The following CDH4 variants were observed in gnomAD, a reference collection of about 807,000 sequenced individuals.
CDH4 encodes the protein cadherin 4, also known as cadherin-4.
Under a neutral mutation model 86.0 loss-of-function variants are expected in CDH4, and 33 were observed. That is an observed-to-expected ratio of 0.38 (90% confidence interval 0.29 to 0.51). The LOEUF is 0.51. Ranked by LOEUF, CDH4 falls within the 20% of genes least tolerant of loss-of-function variation. The pLI is 0.86. For synonymous variants in CDH4, 555 were observed against 549.4 expected (o/e 1.01, Z -0.14); for missense variants, 1,114 against 1,307.4 (o/e 0.85, Z 2.28).
chr20:61,910,422 T>C lies in CDH4; in HGVS notation c.1189T>C (p.Phe397Leu). Residue 397 changes from phenylalanine to leucine, a missense_variant and splice_region_variant, in exon 9 of 16, where the codon TTT becomes CTT. Coordinates refer to ENST00000614565, the MANE Select transcript of CDH4 (RefSeq NM_001794.5). ...GACATTCTTTCCTTCCATTTTGCAG[T>C]TTGCAGGGGAGGTCCCCGAAAACCG... is the stretch of plus-strand genomic sequence containing the variant. ...DNPPEFTASTFAGEVPENRVE... is the reference protein window; with the variant it reads ...DNPPEFTASTLAGEVPENRVE... 1.9e-6 allele frequency: 3 copies of C among 1,611,260 alleles called. No homozygotes were observed. The highest frequency in any genetic ancestry group is 2.5e-6 in the Non-Finnish European group (3 of 1,177,780).
At chr20:61,272,546 C>A (rs2084188752) in intron 2 of CDH4, among the ~76,000 whole-genome samples, 1 of 152,164 alleles carries the variant, frequency 6.6e-6, no homozygotes, top group Non-Finnish European at 1.5e-5. Context: ...TGGGTCAAAA[C>A]TTTTGTTGCT....
chr20:61,580,970 G>A (rs916827581), intron 2 of CDH4, among the ~76,000 whole-genome samples: 1 of 152,222 alleles, frequency 6.6e-6, no homozygotes, highest in South Asian at 2.1e-4. Context: ...AGTCCGTCCT[G>A]AAGCATGGAT....
At chr20:61,421,504 G>T (rs1246940505) in intron 2 of CDH4, among the ~76,000 whole-genome samples, 1 of 152,234 alleles carries the variant, frequency 6.6e-6, no homozygotes, top group East Asian at 1.9e-4. Flanking sequence ...CCAGGGTGGA[G>T]GTTGCGTTTC....
intron 3 of CDH4, among the ~76,000 whole-genome samples, chr20:61,765,233 C>T (rs2088684499): frequency 6.6e-6 from 1 of 151,784 alleles, no homozygotes; most frequent in Admixed American, 6.6e-5. Flanking sequence ...GGAGGGGTCC[C>T]GAGGATGGAC....
At chr20:61,415,640 C>G (rs1253954642) in intron 2 of CDH4, among the ~76,000 whole-genome samples, 1 of 152,140 alleles carries the variant, frequency 6.6e-6, no homozygotes, top group Non-Finnish European at 1.5e-5. Context: ...TGTCCTTTTG[C>G]ATCTAGCTGT....
intron 2 of CDH4, among the ~76,000 whole-genome samples, chr20:61,706,771 C>A (rs1245083702): frequency 6.6e-6 from 1 of 152,226 alleles, no homozygotes; most frequent in African/African-American, 2.4e-5. Flanking sequence ...CTCACCGGAA[C>A]TGGCTCGGGC....
At chr20:61,481,782 G>A (rs190628475) in intron 2 of CDH4, among the ~76,000 whole-genome samples, 13 of 152,090 alleles carry the variant, frequency 8.5e-5, no homozygotes, top group African/African-American at 2.2e-4. Context: ...TGTTTGTGCC[G>A]TTATGTATAT....
chr20:61,400,578 A>G (rs1463547153), intron 2 of CDH4, among the ~76,000 whole-genome samples: 1 of 152,194 alleles, frequency 6.6e-6, no homozygotes, highest in Non-Finnish European at 1.5e-5. Context: ...ACTCTGCTCC[A>G]TATGGTCACG....
At chr20:61,558,536 G>C (rs1301897277) in intron 2 of CDH4, among the ~76,000 whole-genome samples, 6 of 152,218 alleles carry the variant, frequency 3.9e-5, no homozygotes, top group African/African-American at 1.4e-4. Flanking sequence ...TGCGGCCTCT[G>C]GACCTGCCCC....
At chr20:61,894,011 G>A (rs1053650428) in intron 7 of CDH4, among the ~76,000 whole-genome samples, 5 of 152,150 alleles carry the variant, frequency 3.3e-5, no homozygotes, top group South Asian at 2.1e-4. Flanking sequence ...AGAGAAGCAC[G>A]ACTCAGGATT....
At chr20:61,296,092 C>G (rs116551885) in intron 2 of CDH4, among the ~76,000 whole-genome samples, 4 of 152,106 alleles carry the variant, frequency 2.6e-5, no homozygotes, top group African/African-American at 9.7e-5. Flanking sequence ...AGAAGGAGAG[C>G]GGCTTCTAGG....
intron 2 of CDH4, among the ~76,000 whole-genome samples, chr20:61,537,664 C>T (rs1026632723): frequency 2.5e-4 from 38 of 152,316 alleles, no homozygotes; most frequent in African/African-American, 8.9e-4. Flanking sequence ...TCCCCACTCA[C>T]GAGGCGTTGT....
chr20:61,385,637 C>T (rs2084946861), intron 2 of CDH4, among the ~76,000 whole-genome samples: 3 of 152,136 alleles, frequency 2.0e-5, no homozygotes, highest in Admixed American at 2.0e-4. Flanking sequence ...TGCTCTCCTG[C>T]CTCCTCTCCC....
At chr20:61,930,412 G>C (rs1215906013) in intron 13 of CDH4, among the ~76,000 whole-genome samples, 3 of 152,208 alleles carry the variant, frequency 2.0e-5, no homozygotes, top group Admixed American at 2.0e-4. Flanking sequence ...GGTGCCAGGG[G>C]AGGTGCTTGA....
intron 2 of CDH4, among the ~76,000 whole-genome samples, chr20:61,394,116 T>C (rs1016921413): frequency 5.3e-5 from 8 of 152,290 alleles, no homozygotes; most frequent in African/African-American, 1.9e-4. Flanking sequence ...TTTGGAGGAT[T>C]TGTAGGTGAT....
chr20:61,421,957 T>C (rs1483431828), intron 2 of CDH4, among the ~76,000 whole-genome samples: 1 of 152,152 alleles, frequency 6.6e-6, no homozygotes, highest in Non-Finnish European at 1.5e-5. Flanking sequence ...CCTTGAGCAG[T>C]GTGGGGCTGA....
chr20:61,677,859 AGATGGATAGAT>A (rs976388867), intron 2 of CDH4, among the ~76,000 whole-genome samples: 7 of 130,430 alleles, frequency 5.4e-5, no homozygotes, highest in Admixed American at 1.6e-4. Context: ...GATAGATAAT[AGATGGATAGAT>A]GATGGATAGA....
At chr20:61,849,698 C>T (rs1568848378) in intron 5 of CDH4, among the ~76,000 whole-genome samples, 1 of 152,176 alleles carries the variant, frequency 6.6e-6, no homozygotes, top group Non-Finnish European at 1.5e-5. Flanking sequence ...CTGAAGGGCA[C>T]CTGCATGCCT....
rs1027489044 is a variant in CDH4, at chr20:61,516,420, T to A, written c.170-227143T>A. On this transcript the variant is annotated intron_variant, in intron 2 of 15. Coordinates refer to ENST00000614565, the MANE Select transcript of CDH4 (RefSeq NM_001794.5). The surrounding 1 kb of genome is among the most constrained non-coding windows in gnomAD (Gnocchi z 4.0). ...TGAGCTCATGTGCATCACCTCCGAC[T>A]CCTCATCACCAGATGCCGCTGCGGC... Among the ~76,000 whole-genome samples the A allele has an allele frequency of 3.0e-4, 45 of 152,144 alleles. No homozygotes were observed. Among genetic ancestry groups the A allele is most frequent in the African/African-American group, 9.7e-4 (40 of 41,422 alleles).
Sources: gnomAD v4.1 joint callset for allele counts (sites outside exome capture counted in the v4.1 genomes callset) on GRCh38, gnomAD v4.1.1 for gene constraint, Gnocchi (gnomAD v3.1) non-coding constraint, MANE v1.5 for transcripts, NCBI Gene and HGNC (gene_info 2026-07-23, HGNC 2026-07-21) for gene names.